The following TPX2 variants were observed in gnomAD, a reference collection of about 807,000 sequenced individuals.
TPX2 encodes TPX2 microtubule nucleation factor.
In TPX2, 21 loss-of-function variants were observed where a neutral mutation model predicts 93.6. The observed-to-expected ratio is 0.22, with a 90% CI of 0.16 to 0.32. The LOEUF is 0.32. TPX2 is among the 10% of genes least tolerant of loss of function. TPX2 has a pLI of 1.00. For missense variants in TPX2, 776 were observed against 871.1 expected, an observed-to-expected ratio of 0.89 and a Z score of 1.37; for synonymous variants, 281 against 298.3, an observed-to-expected ratio of 0.94 and a Z score of 0.60.
At chr20:31,751,199 T>A (rs2061817606) in intron 2 of TPX2, among the ~76,000 whole-genome samples, 2 of 152,108 alleles carry the variant, frequency 1.3e-5, no homozygotes. Flanking sequence ...AAGGGTTAAA[T>A]TTGAACACTT....
At chr20:31,761,251 G>A (rs1157775621) in intron 4 of TPX2, among the ~76,000 whole-genome samples, 1 of 149,092 alleles carries the variant, frequency 6.7e-6, no homozygotes, top group East Asian at 2.0e-4. Flanking sequence ...GTCCAGGCAG[G>A]AGTGCAGTGG....
At chr20:31,794,618 A>C in intron 15 of TPX2, 70 bp downstream of exon 15, 1 of 1,562,172 alleles carries the variant, frequency 6.4e-7, no homozygotes, top group Non-Finnish European at 8.7e-7. Flanking sequence ...GACCCACCAT[A>C]CTGAAATCAC....
intron 4 of TPX2, among the ~76,000 whole-genome samples, chr20:31,762,851 G>A (rs1311526444): frequency 6.6e-6 from 1 of 151,880 alleles, no homozygotes; most frequent in African/African-American, 2.4e-5. Flanking sequence ...CTATTGCCTA[G>A]GCTTGTCTCA....
At chr20:31,766,449 G>C (rs1600370618) in intron 4 of TPX2, 107 bp from the exon 5 acceptor site, 1 of 1,223,836 alleles carries the variant, frequency 8.2e-7, no homozygotes, top group Admixed American at 2.4e-5. Context: ...CTGTGGCTTA[G>C]ACAGGGTGTG....
In TPX2 at chr20:31,782,214, G is replaced by A. The variant is rs377294537; in HGVS notation, c.1055-35G>A. ...CACTTACAAGTAAACTGGGTCTTGCGGATCTAGATGAACATCTGTCATCTC... is the reference window on the plus strand; with the variant it reads ...CACTTACAAGTAAACTGGGTCTTGCAGATCTAGATGAACATCTGTCATCTC... On this transcript the variant is annotated intron_variant, in intron 10 of 17. Coordinates refer to ENST00000300403, the MANE Select transcript of TPX2 (RefSeq NM_012112.5). The A allele has an allele frequency of 1.1e-4, 178 of 1,579,810 alleles. 1 individual carries two copies. The highest frequency in any genetic ancestry group is 9.1e-4 in the South Asian group (79 of 86,394).
intron 2 of TPX2, among the ~76,000 whole-genome samples, chr20:31,743,064 AT>A (rs2061762633): frequency 6.6e-6 from 1 of 152,142 alleles, no homozygotes; most frequent in South Asian, 2.1e-4. Flanking sequence ...AAATACAAAA[AT>A]TAGCTGGGTG....
Position 31,797,627 on chromosome 20 carries a change from T to G in TPX2, c.1945+112T>G, listed in dbSNP as rs1600396765. 5 of 973,966 alleles carry G rather than the reference T, an allele frequency of 5.1e-6. No individual in the cohort carries two copies. The East Asian group carries it at 1.3e-4, about 25-fold the overall frequency. 60.3% of individuals were successfully genotyped at this position (973,966 alleles called of 1,614,324 possible). A position where few individuals can be genotyped will look rare whatever the true frequency, so the allele number is the denominator to read the frequency against. Reference sequence around the variant, plus strand: ...CTGTGTCAACTAGAAGCATTTGACTTTAGCAGATGGTAGCTTTTCTTCCCC... The same window carrying G: ...CTGTGTCAACTAGAAGCATTTGACTGTAGCAGATGGTAGCTTTTCTTCCCC... On this transcript the variant is annotated intron_variant, in intron 16 of 17. Coordinates refer to ENST00000300403, the MANE Select transcript of TPX2 (RefSeq NM_012112.5).
chr20:31,791,635 A>G (rs2062102094), intron 12 of TPX2, among the ~76,000 whole-genome samples: 1 of 152,204 alleles, frequency 6.6e-6, no homozygotes, highest in South Asian at 2.1e-4. Flanking sequence ...TTAGAGTAAT[A>G]ATGTGGACTA....
At chr20:31,742,912 G>C (rs1342726462) in intron 2 of TPX2, among the ~76,000 whole-genome samples, 1 of 151,944 alleles carries the variant, frequency 6.6e-6, no homozygotes. Flanking sequence ...ACCTTCCCAG[G>C]ATATCAAAAT....
chr20:31,762,516 A>G (rs2061896266), intron 4 of TPX2, among the ~76,000 whole-genome samples: 3 of 151,718 alleles, frequency 2.0e-5, no homozygotes, highest in African/African-American at 7.3e-5. Flanking sequence ...CACCCAGCTA[A>G]TTTTTGTATT....
chr20:31,744,409 C>T (rs749452253), intron 2 of TPX2, among the ~76,000 whole-genome samples: 15 of 152,014 alleles, frequency 9.9e-5, no homozygotes, highest in South Asian at 4.1e-4. Flanking sequence ...CTGCCCACCT[C>T]GGCCTCCCAA....
At chr20:31,770,502 G>A in intron 6 of TPX2, 31 bp downstream of exon 6, 2 of 1,541,620 alleles carry the variant, frequency 1.3e-6, no homozygotes, top group Non-Finnish European at 1.7e-6. Context: ...ACTGCCAAGG[G>A]CAGACATATT....
chr20:31,785,678 A>G (rs1266831609), intron 12 of TPX2, among the ~76,000 whole-genome samples: 1 of 152,048 alleles, frequency 6.6e-6, no homozygotes, highest in Non-Finnish European at 1.5e-5. Context: ...TCGTATTTAT[A>G]GTAGAGACGG....
At chr20:31,789,182 AT>A (rs1186282172) in intron 12 of TPX2, among the ~76,000 whole-genome samples, 1 of 152,142 alleles carries the variant, frequency 6.6e-6, no homozygotes, top group Non-Finnish European at 1.5e-5. Context: ...ACTTGTGAAA[AT>A]TTGGAAGTAT....
chr20:31,759,231 C>T (rs2061871740), intron 3 of TPX2, among the ~76,000 whole-genome samples: 1 of 152,018 alleles, frequency 6.6e-6, no homozygotes, highest in Non-Finnish European at 1.5e-5. Context: ...GTACTGACTT[C>T]TGGGCACAGT....
At chr20:31,782,889 T>TACACACACACACACACACAC (rs71926112) in intron 11 of TPX2, among the ~76,000 whole-genome samples, 2 of 142,664 alleles carry the variant, frequency 1.4e-5, no homozygotes, top group East Asian at 2.1e-4. Context: ...CATACACACA[T>TACACACACACACACACACAC]ACACACACAC....
At chr20:31,785,995 A>G (rs1031206251) in intron 12 of TPX2, among the ~76,000 whole-genome samples, 3 of 152,370 alleles carry the variant, frequency 2.0e-5, no homozygotes, top group African/African-American at 7.2e-5. Context: ...GTAAATGGAA[A>G]ACCAGTACCT....
At position 31,801,166 on chromosome 20, in the gene TPX2, A is replaced by C. The variant is rs1182888481; in HGVS notation, c.*86A>C. On this transcript the variant is annotated 3_prime_UTR_variant, in exon 18 of 18. Coordinates refer to ENST00000300403, the MANE Select transcript of TPX2 (RefSeq NM_012112.5). The stretch of plus-strand genomic sequence containing the variant: ...GGACCGTCTTGCTTTGTCATTGGGC[A>C]TGGAGAGAACCCATTTCTCCAGACT... 1 of 1,230,078 alleles carries C rather than the reference A, an allele frequency of 8.1e-7. No individual in the cohort carries two copies. The highest frequency in any genetic ancestry group is 1.2e-6 in the Non-Finnish European group (1 of 840,148). 76.2% of individuals were successfully genotyped at this position (1,230,078 alleles called of 1,614,324 possible).
chr20:31,740,925 G>A (rs1438343529), intron 1 of TPX2, among the ~76,000 whole-genome samples: 1 of 152,146 alleles, frequency 6.6e-6, no homozygotes, highest in African/African-American at 2.4e-5. Flanking sequence ...ACAAAATTGC[G>A]GGTATGAAAA....
Sources: gnomAD v4.1 joint callset for allele counts (sites outside exome capture counted in the v4.1 genomes callset) on GRCh38, gnomAD v4.1.1 for gene constraint, MANE v1.5 for transcripts, NCBI Gene and HGNC (gene_info 2026-07-23, HGNC 2026-07-21) for gene names.